Variants in UBL3 observed in about 807,000 individuals in gnomAD.
The protein encoded by UBL3 is ubiquitin like 3, also known as ubiquitin-like protein 3.
UBL3 carries 6 observed loss-of-function variants against 18.4 expected under a neutral mutation model. That is an observed-to-expected ratio of 0.33 (90% CI 0.18 to 0.64). The LOEUF (loss-of-function observed/expected upper bound fraction) is 0.64. UBL3 is among the 30% of genes least tolerant of loss of function. The pLI is 0.76. For missense variants in UBL3, 109 were observed against 142.9 expected, an observed-to-expected ratio of 0.76 and a Z score of 1.21; for synonymous variants, 49 against 46.6, an observed-to-expected ratio of 1.05 and a Z score of -0.21.
intron 1 of UBL3, among the ~76,000 whole-genome samples, chr13:29,791,966 T>C (rs1466190347): frequency 2.0e-5 from 3 of 152,208 alleles, no homozygotes; most frequent in South Asian, 4.1e-4. Flanking sequence ...CAGGCACATT[T>C]ATTATGCGTA....
At chr13:29,804,116 A>G (rs1290111215) in intron 1 of UBL3, among the ~76,000 whole-genome samples, 2 of 151,984 alleles carry the variant, frequency 1.3e-5, no homozygotes, top group African/African-American at 4.8e-5. Context: ...TTATACTGCC[A>G]TACTCTTGGA....
chr13:29,778,174 T>G (rs1018960728), intron 1 of UBL3, among the ~76,000 whole-genome samples: 4 of 152,256 alleles, frequency 2.6e-5, no homozygotes, highest in Admixed American at 6.5e-5. Context: ...GGGAGTAAGG[T>G]AGGACACATG....
chr13:29,772,645 A>G (rs952934690), intron 2 of UBL3, among the ~76,000 whole-genome samples: 2 of 152,164 alleles, frequency 1.3e-5, no homozygotes, highest in Non-Finnish European at 2.9e-5. Flanking sequence ...CAGTTAATAT[A>G]TTGATATTGA....
intron 1 of UBL3, among the ~76,000 whole-genome samples, chr13:29,784,010 A>G (rs1243119828): frequency 6.6e-6 from 1 of 152,214 alleles, no homozygotes. Flanking sequence ...AAAACAAATC[A>G]GACAAGACTA....
chr13:29,772,058 G>A (rs1021487153), intron 3 of UBL3, 54 bp downstream of exon 3: 25 of 1,434,110 alleles, frequency 1.7e-5, no homozygotes, highest in East Asian at 1.2e-4. Context: ...TAAAACAAGC[G>A]AATCATGCTA....
chr13:29,802,127 T>C (rs565088910), intron 1 of UBL3, among the ~76,000 whole-genome samples: 3 of 152,316 alleles, frequency 2.0e-5, no homozygotes, highest in South Asian at 2.1e-4. Context: ...AGCAACAGCC[T>C]ACCTACTAGC....
At chr13:29,822,544 G>C (rs937086302) in intron 1 of UBL3, among the ~76,000 whole-genome samples, 3 of 152,142 alleles carry the variant, frequency 2.0e-5, no homozygotes, top group African/African-American at 7.2e-5. Flanking sequence ...AGTGTTTCTA[G>C]TCACTGGCAC....
At chr13:29,811,066 A>G (rs1428608935) in intron 1 of UBL3, among the ~76,000 whole-genome samples, 1 of 152,052 alleles carries the variant, frequency 6.6e-6, no homozygotes, top group African/African-American at 2.4e-5. Context: ...CCTTTTGCCC[A>G]TCCACTTTTT....
At chr13:29,788,983 T>A (rs1275985454) in intron 1 of UBL3, among the ~76,000 whole-genome samples, 4 of 151,904 alleles carry the variant, frequency 2.6e-5, no homozygotes, top group African/African-American at 9.7e-5. Context: ...CACCGCAACC[T>A]CCACCTCCTG....
intron 1 of UBL3, among the ~76,000 whole-genome samples, chr13:29,793,492 C>T (rs1457809874): frequency 1.3e-5 from 2 of 152,020 alleles, no homozygotes; most frequent in Admixed American, 6.6e-5. Context: ...GGTATGGCAA[C>T]CCTTTGACGT....
chr13:29,782,456 A>C (rs1877201607), intron 1 of UBL3, among the ~76,000 whole-genome samples: 1 of 152,210 alleles, frequency 6.6e-6, no homozygotes, highest in Admixed American at 6.5e-5. Flanking sequence ...AGATGTTCAG[A>C]ATGTTGGAAA....
intron 1 of UBL3, among the ~76,000 whole-genome samples, chr13:29,832,002 A>G (rs1878789051): frequency 6.6e-6 from 1 of 152,258 alleles, no homozygotes; most frequent in Non-Finnish European, 1.5e-5. Flanking sequence ...CAATAGACAC[A>G]AGTAGCCCAG....
intron 1 of UBL3, among the ~76,000 whole-genome samples, chr13:29,795,311 A>C (rs887189564): frequency 6.6e-6 from 1 of 152,168 alleles, no homozygotes; most frequent in Non-Finnish European, 1.5e-5. Flanking sequence ...GGAAAAAATG[A>C]GCTATATATG....
rs554358187 is a variant in UBL3 at position 29,794,047 on chromosome 13, C to T, written c.28-16784G>A. 8.3e-4 allele frequency among the ~76,000 whole-genome samples: 126 copies of T among 152,088 alleles called. 1 individual carries two copies. The highest frequency in any genetic ancestry group is 3.4e-3 in the Middle Eastern group (1 of 294). Reference sequence around the variant, plus strand: ...TTTTAGTAGAGATAAGGTTTCGCCACGTTGGCCAGGCTGGTCTTAAACTCC... The same window carrying T: ...TTTTAGTAGAGATAAGGTTTCGCCATGTTGGCCAGGCTGGTCTTAAACTCC... On this transcript the variant is annotated intron_variant, in intron 1 of 4. Coordinates refer to ENST00000380680, the MANE Select transcript of UBL3 (RefSeq NM_007106.4).
At chr13:29,785,537 G>A (rs11147398) in intron 1 of UBL3, among the ~76,000 whole-genome samples, 87,038 of 151,906 alleles carry the variant, frequency 0.57, 26,043 homozygotes, top group Non-Finnish European at 0.66. Context: ...ACATTTTCTA[G>A]AGTTATGAAT....
At chr13:29,810,030 A>G (rs1437893316) in intron 1 of UBL3, among the ~76,000 whole-genome samples, 4 of 152,108 alleles carry the variant, frequency 2.6e-5, no homozygotes, top group Non-Finnish European at 5.9e-5. Flanking sequence ...GTTAATCCAC[A>G]GACACAGAAC....
intron 1 of UBL3, among the ~76,000 whole-genome samples, chr13:29,810,673 G>A (rs1201527846): frequency 1.3e-5 from 2 of 151,978 alleles, no homozygotes; most frequent in African/African-American, 4.8e-5. Flanking sequence ...TGAAAATACA[G>A]GTATTTTTAG....
At chr13:29,816,488 T>C (rs1593666808) in intron 1 of UBL3, among the ~76,000 whole-genome samples, 3 of 152,106 alleles carry the variant, frequency 2.0e-5, no homozygotes, top group Admixed American at 6.6e-5. Flanking sequence ...GCCAGGTACA[T>C]TGGCTCATGC....
intron 1 of UBL3, among the ~76,000 whole-genome samples, chr13:29,831,385 T>G (rs1383376790): frequency 2.7e-5 from 4 of 150,752 alleles, no homozygotes; most frequent in African/African-American, 9.7e-5. Flanking sequence ...AGGTCAGGAG[T>G]TCAAGACCAG....
Sources: gnomAD v4.1 joint callset for allele counts (sites outside exome capture counted in the v4.1 genomes callset) on GRCh38, gnomAD v4.1.1 for gene constraint, MANE v1.5 for transcripts, NCBI Gene and HGNC (gene_info 2026-07-23, HGNC 2026-07-21) for gene names.